The following MOB3B variants were observed in gnomAD, a reference collection of about 807,000 sequenced individuals.
MOB3B encodes MOB kinase activator 3B, also known as MOB kinase activator-like 2B.
In MOB3B, 7 loss-of-function variants were observed where a neutral mutation model predicts 18.7. The observed-to-expected ratio is 0.37, with a 90% CI of 0.21 to 0.70. The LOEUF (loss-of-function observed/expected upper bound fraction) is 0.70. Ranked by LOEUF, MOB3B falls within the 30% of genes least tolerant of loss-of-function variation. MOB3B has a pLI of 0.52. For missense variants in MOB3B, 253 were observed against 281.3 expected, an observed-to-expected ratio of 0.90 and a Z score of 0.72; for synonymous variants, 111 against 99.9, an observed-to-expected ratio of 1.11 and a Z score of -0.66.
Position 27,404,499 on chromosome 9 carries a change from A to G in MOB3B, c.419-45263T>C, listed in dbSNP as rs186309821. On this transcript the variant is annotated intron_variant, in intron 2 of 3. Coordinates refer to ENST00000262244, the MANE Select transcript of MOB3B (RefSeq NM_024761.5). ...TGGCTTCCCGAGTAGCTGGCATTAC[A>G]GGCATGCACCACCACGCCTGGCTAA... is the stretch of plus-strand genomic sequence containing the variant. Among the ~76,000 whole-genome samples, 7 of 151,544 alleles carry G rather than the reference A, an allele frequency of 4.6e-5. No homozygotes were observed. The East Asian group carries it at 9.7e-4, about 21-fold the overall frequency.
At chr9:27,381,655 T>A (rs1026320674) in intron 2 of MOB3B, among the ~76,000 whole-genome samples, 2 of 152,308 alleles carry the variant, frequency 1.3e-5, no homozygotes, top group South Asian at 2.1e-4. Flanking sequence ...AGAACTTTTT[T>A]TTCGTTTAAG....
At chr9:27,464,953 C>T (rs1270690987) in intron 1 of MOB3B, among the ~76,000 whole-genome samples, 2 of 152,260 alleles carry the variant, frequency 1.3e-5, no homozygotes, top group Admixed American at 1.3e-4. Context: ...AGATATAATT[C>T]AAGTTGAGAT....
intron 2 of MOB3B, among the ~76,000 whole-genome samples, chr9:27,398,867 G>GT (rs1821837312): frequency 6.6e-6 from 1 of 152,102 alleles, no homozygotes; most frequent in Admixed American, 6.6e-5. Flanking sequence ...TATACAATTT[G>GT]TCACCTTCAC....
chr9:27,371,743 G>C (rs1292888639), intron 2 of MOB3B, among the ~76,000 whole-genome samples: 1 of 152,016 alleles, frequency 6.6e-6, no homozygotes, highest in Non-Finnish European at 1.5e-5. Context: ...TGCAGGAAAG[G>C]AAAAAAGCCT....
At chr9:27,427,573 T>C (rs1235090996) in intron 2 of MOB3B, among the ~76,000 whole-genome samples, 1 of 152,248 alleles carries the variant, frequency 6.6e-6, no homozygotes, top group Non-Finnish European at 1.5e-5. Context: ...TCAGATTTTC[T>C]AACAAACTCG....
At chr9:27,413,816 G>A (rs193251738) in intron 2 of MOB3B, among the ~76,000 whole-genome samples, 1 of 152,316 alleles carries the variant, frequency 6.6e-6, no homozygotes, top group East Asian at 1.9e-4. Flanking sequence ...ACAACTGTGA[G>A]CCAGAGACCT....
At chr9:27,501,215 T>C (rs924890496) in intron 1 of MOB3B, among the ~76,000 whole-genome samples, 6 of 152,188 alleles carry the variant, frequency 3.9e-5, no homozygotes, top group Non-Finnish European at 8.8e-5. Flanking sequence ...GATCTAGAGC[T>C]AGAAATACCA....
chr9:27,335,629 C>T (rs552269949), intron 3 of MOB3B, among the ~76,000 whole-genome samples: 39 of 152,288 alleles, frequency 2.6e-4, no homozygotes, highest in South Asian at 2.3e-3. Context: ...CGGTGGCCGA[C>T]GCTCCTTCTC....
At chr9:27,499,963 A>G (rs1374889973) in intron 1 of MOB3B, among the ~76,000 whole-genome samples, 1 of 152,124 alleles carries the variant, frequency 6.6e-6, no homozygotes, top group Non-Finnish European at 1.5e-5. Flanking sequence ...TCTACAATCA[A>G]CCTTTCAATT....
chr9:27,511,141 A>G (rs1820135810), intron 1 of MOB3B, among the ~76,000 whole-genome samples: 1 of 152,128 alleles, frequency 6.6e-6, no homozygotes, highest in African/African-American at 2.4e-5. Context: ...GGAATCTTTA[A>G]AAGTCTTTCT....
chr9:27,441,591 C>T (rs1000762138), intron 2 of MOB3B, among the ~76,000 whole-genome samples: 1 of 152,170 alleles, frequency 6.6e-6, no homozygotes, highest in African/African-American at 2.4e-5. Context: ...TAGGACAGAG[C>T]AAGATTTCAT....
chr9:27,379,708 A>C (rs1821545253), intron 2 of MOB3B, among the ~76,000 whole-genome samples: 1 of 152,138 alleles, frequency 6.6e-6, no homozygotes, highest in Non-Finnish European at 1.5e-5. Context: ...TCCCAAATAA[A>C]AACTACACAG....
intron 1 of MOB3B, among the ~76,000 whole-genome samples, chr9:27,468,403 A>G (rs1819417633): frequency 6.6e-6 from 1 of 152,186 alleles, no homozygotes; most frequent in South Asian, 2.1e-4. Context: ...ATCCACTCAG[A>G]TAAGGCCTCT....
At chr9:27,433,743 A>T (rs898302130) in intron 2 of MOB3B, among the ~76,000 whole-genome samples, 3 of 152,174 alleles carry the variant, frequency 2.0e-5, no homozygotes, top group African/African-American at 7.2e-5. Context: ...TTGAAGGTGC[A>T]TGGGATTCTT....
chr9:27,330,938 T>C (rs1820779091), intron 3 of MOB3B, among the ~76,000 whole-genome samples: 1 of 152,142 alleles, frequency 6.6e-6, no homozygotes. Context: ...GCAGAAGAAT[T>C]TGCTCTCCAG....
At chr9:27,441,841 G>A (rs1344717327) in intron 2 of MOB3B, among the ~76,000 whole-genome samples, 1 of 152,090 alleles carries the variant, frequency 6.6e-6, no homozygotes, top group East Asian at 1.9e-4. Flanking sequence ...CCCCAGCAGT[G>A]TTCTCAGTGT....
chr9:27,342,188 C>T (rs750026907), intron 3 of MOB3B, among the ~76,000 whole-genome samples: 9 of 152,122 alleles, frequency 5.9e-5, no homozygotes, highest in Non-Finnish European at 1.0e-4. Flanking sequence ...GACCTCGCGT[C>T]GCACCATGCC....
intron 2 of MOB3B, among the ~76,000 whole-genome samples, chr9:27,428,258 T>A (rs976647558): frequency 1.3e-5 from 2 of 152,198 alleles, no homozygotes; most frequent in African/African-American, 4.8e-5. Flanking sequence ...CACACTGGAA[T>A]GTGCACAGAG....
chr9:27,384,106 G>C (rs1288608608), intron 2 of MOB3B, among the ~76,000 whole-genome samples: 3 of 151,808 alleles, frequency 2.0e-5, no homozygotes, highest in Non-Finnish European at 4.4e-5. Flanking sequence ...AGAAACTTTG[G>C]GGAATATTGA....
Sources: gnomAD v4.1 joint callset for allele counts (sites outside exome capture counted in the v4.1 genomes callset) on GRCh38, gnomAD v4.1.1 for gene constraint, MANE v1.5 for transcripts, NCBI Gene and HGNC (gene_info 2026-07-23, HGNC 2026-07-21) for gene names.